Variants in ADAM22 observed in about 807,000 individuals in gnomAD.
ADAM22 encodes disintegrin and metalloproteinase domain-containing protein 22.
Under a neutral mutation model 144.6 loss-of-function variants are expected in ADAM22, and 65 were observed. The observed-to-expected ratio is 0.45, with a 90% CI of 0.37 to 0.55. The LOEUF (loss-of-function observed/expected upper bound fraction) is 0.55, where lower values mean the gene tolerates loss of function less well. Ranked by LOEUF, ADAM22 falls within the 20% of genes least tolerant of loss-of-function variation. ADAM22 has a pLI of 0.00. For missense variants in ADAM22, 974 were observed against 1,184.9 expected (o/e 0.82, Z 2.61); for synonymous variants, 391 against 412.6 (o/e 0.95, Z 0.63).
rs1392096248 is a variant in ADAM22 at position 88,109,730 on chromosome 7, A to AG, written c.473+1474dup. Among the ~76,000 whole-genome samples the AG allele has an allele frequency of 6.1e-5, 9 of 148,446 alleles. No homozygotes were observed. In the South Asian group the frequency reaches 1.3e-3, roughly 21 times the overall value. ...TTTGCTTTTTTTTTGAGAGAGAGAGAGGAAAAAAAAAAAAACAAAACTGGG... is the reference window on the plus strand; with the variant it reads ...TTTGCTTTTTTTTTGAGAGAGAGAGAGGGAAAAAAAAAAAAACAAAACTGGG... On this transcript the variant is annotated intron_variant, in intron 5 of 31. Transcript: ENST00000413139.
In ADAM22 at chr7:88,101,392, C is replaced by T. The variant is rs117028731; in HGVS notation, c.391-6784C>T. Among the ~76,000 whole-genome samples, 556 of 152,094 alleles carry T rather than the reference C, an allele frequency of 3.7e-3. 2 individuals carry two copies. The highest frequency in any genetic ancestry group is 6.8e-3 in the Middle Eastern group (2 of 294). ...AGCAGGAGAACAAGAGTTGCAGGGG[C>T]GGGTGTTTGGATCTGGAGGTGCCTA... On this transcript the variant is annotated intron_variant, in intron 4 of 31. Transcript: ENST00000413139.
intron 3 of ADAM22, among the ~76,000 whole-genome samples, chr7:88,034,923 CTG>C (rs1420202657): frequency 2.0e-5 from 3 of 152,158 alleles, no homozygotes; most frequent in African/African-American, 7.2e-5. Flanking sequence ...CAATTGAAGA[CTG>C]TCTTTCCTAC....
intron 5 of ADAM22, among the ~76,000 whole-genome samples, chr7:88,108,847 A>G (rs1825250566): frequency 6.6e-6 from 1 of 152,212 alleles, no homozygotes; most frequent in African/African-American, 2.4e-5. Context: ...GCTAGACTCC[A>G]TCTCAAAAAA....
At chr7:88,026,245 T>C (rs946506793) in intron 3 of ADAM22, among the ~76,000 whole-genome samples, 9 of 152,332 alleles carry the variant, frequency 5.9e-5, no homozygotes, top group Middle Eastern at 3.4e-3. Context: ...CATCTGCTTC[T>C]GGGGAGACCT....
intron 14 of ADAM22, among the ~76,000 whole-genome samples, chr7:88,138,069 G>A (rs549368593): frequency 2.6e-4 from 39 of 152,234 alleles, no homozygotes; most frequent in South Asian, 1.7e-3. Context: ...TGGGAGGATC[G>A]CCTGATTCCA....
At chr7:88,009,643 C>T (rs139732098) in intron 3 of ADAM22, among the ~76,000 whole-genome samples, 11 of 152,096 alleles carry the variant, frequency 7.2e-5, no homozygotes, top group African/African-American at 2.4e-4. Flanking sequence ...GACAGGAGTG[C>T]ACTTTGAATT....
chr7:88,166,026 A>T (rs1842872034), intron 24 of ADAM22, 80 bp downstream of exon 24: 2 of 936,404 alleles, frequency 2.1e-6, no homozygotes, highest in Non-Finnish European at 3.1e-6. Context: ...TATTTGAGTT[A>T]TTTTTATGAT....
At chr7:87,954,288 G>T (rs1322143124) in intron 2 of ADAM22, among the ~76,000 whole-genome samples, 1 of 152,020 alleles carries the variant, frequency 6.6e-6, no homozygotes, top group Non-Finnish European at 1.5e-5. Flanking sequence ...TACCCGTTGT[G>T]CCTTTCCATG....
chr7:88,011,763 C>G (rs1340771304), intron 3 of ADAM22, among the ~76,000 whole-genome samples: 2 of 148,936 alleles, frequency 1.3e-5, no homozygotes, highest in Non-Finnish European at 3.0e-5. Context: ...TTCTCTCTAG[C>G]TTCTTTCAAG....
chr7:88,190,662 C>T (rs771795745), intron 30 of ADAM22, among the ~76,000 whole-genome samples: 5 of 152,200 alleles, frequency 3.3e-5, no homozygotes, highest in African/African-American at 9.6e-5. Context: ...CTGGAACTGC[C>T]GGGCAAGTAG....
chr7:88,015,095 G>C (rs190589665), intron 3 of ADAM22, among the ~76,000 whole-genome samples: 1 of 142,466 alleles, frequency 7.0e-6, no homozygotes, highest in South Asian at 2.1e-4. Context: ...AGTAACAAAG[G>C]TTTAATAAAG....
At chr7:88,004,672 C>T (rs1793365503) in intron 3 of ADAM22, among the ~76,000 whole-genome samples, 1 of 152,166 alleles carries the variant, frequency 6.6e-6, no homozygotes, top group African/African-American at 2.4e-5. Context: ...AAATTTATTT[C>T]AGCTTTTCAC....
intron 6 of ADAM22, among the ~76,000 whole-genome samples, 154 bp from the exon 7 acceptor site, chr7:88,116,591 A>T (rs191373809): frequency 6.6e-6 from 1 of 152,288 alleles, no homozygotes; most frequent in African/African-American, 2.4e-5. Flanking sequence ...ACAGGAGAGA[A>T]TAGGAGGGGT....
chr7:88,192,978 T>G (rs192124097), intron 30 of ADAM22, 138 bp from the exon 31 acceptor site: 20 of 967,574 alleles, frequency 2.1e-5, no homozygotes, highest in Non-Finnish European at 3.0e-5. Context: ...TGACAGAATA[T>G]CTTCCCAGTA....
chr7:88,091,081 A>AATTAC (rs1444572821), intron 4 of ADAM22, among the ~76,000 whole-genome samples: 1 of 152,152 alleles, frequency 6.6e-6, no homozygotes, highest in Admixed American at 6.6e-5. Context: ...ATTGATTAAT[A>AATTAC]ATTACTGTAT....
chr7:87,960,982 T>C (rs1847885550), intron 2 of ADAM22, among the ~76,000 whole-genome samples: 1 of 152,158 alleles, frequency 6.6e-6, no homozygotes, highest in Non-Finnish European at 1.5e-5. Flanking sequence ...TTCTAGCACA[T>C]AGACAAAAAT....
intron 2 of ADAM22, among the ~76,000 whole-genome samples, chr7:87,972,244 A>T (rs1850637851): frequency 6.6e-6 from 1 of 152,232 alleles, no homozygotes; most frequent in Non-Finnish European, 1.5e-5. Flanking sequence ...GTCTCAGGAT[A>T]CAAAATCAAT....
At chr7:87,966,713 G>C (rs1562873870) in intron 2 of ADAM22, among the ~76,000 whole-genome samples, 1 of 121,468 alleles carries the variant, frequency 8.2e-6, no homozygotes. Context: ...TCTTATCCAA[G>C]GAAAGCCGTT....
At chr7:88,178,336 A>G (rs1317297863) in intron 26 of ADAM22, among the ~76,000 whole-genome samples, 1 of 152,140 alleles carries the variant, frequency 6.6e-6, no homozygotes, top group Non-Finnish European at 1.5e-5. Flanking sequence ...GAACAGTTAT[A>G]AAATTACCTT....
Sources: gnomAD v4.1 joint callset for allele counts (sites outside exome capture counted in the v4.1 genomes callset) on GRCh38, gnomAD v4.1.1 for gene constraint, MANE v1.5 for transcripts, NCBI Gene and HGNC (gene_info 2026-07-23, HGNC 2026-07-21) for gene names.